Variants in KCNAB2 observed in about 807,000 individuals in gnomAD.
The protein encoded by KCNAB2 is potassium voltage-gated channel subfamily A regulatory beta subunit 2, also known as voltage-gated potassium channel subunit beta-2.
In KCNAB2, 29 loss-of-function variants were observed where a neutral mutation model predicts 63.6. That is an observed-to-expected ratio of 0.46 (90% CI 0.34 to 0.62). KCNAB2 has a LOEUF of 0.62. Among genes scored for constraint, KCNAB2 ranks in the 20% least tolerant of loss-of-function variants. The pLI is 0.01. For missense variants in KCNAB2, 359 were observed against 563.9 expected, an observed-to-expected ratio of 0.64 and a Z score of 3.68; for synonymous variants, 222 against 224.2, an observed-to-expected ratio of 0.99 and a Z score of 0.09.
chr1:6,077,714 G>A (rs1329699500), intron 4 of KCNAB2, among the ~76,000 whole-genome samples: 1 of 152,156 alleles, frequency 6.6e-6, no homozygotes, highest in African/African-American at 2.4e-5. Context: ...CTCCCGGTGG[G>A]CAGAGCAGAG....
intron 1 of KCNAB2, among the ~76,000 whole-genome samples, chr1:6,012,213 G>A (rs1454816756): frequency 8.0e-5 from 12 of 149,288 alleles, no homozygotes; most frequent in African/African-American, 2.5e-4. Context: ...TGATGAAGGC[G>A]GAGGTGATGG....
rs528776532 is a variant in KCNAB2, at chr1:6,078,167, G to A, written c.301-4028G>A. Among the ~76,000 whole-genome samples the A allele has an allele frequency of 1.6e-4, 25 of 152,266 alleles. No homozygotes were observed. Among genetic ancestry groups the A allele is most frequent in the South Asian group, 8.3e-4 (4 of 4,826 alleles). On this transcript the variant is annotated intron_variant, in intron 4 of 15. Coordinates refer to ENST00000378083, the MANE Select transcript of KCNAB2 (RefSeq NM_001199862.2). This position sits in a 1 kb window ranked among gnomAD's most constrained non-coding sequence, Gnocchi z 4.2. ...TGCTGGCCTTCCTTGGCCTGTGCCC[G>A]CATCCCCCAGTCTCTGCCCCTGTGG...
upstream of KCNAB2, among the ~76,000 whole-genome samples, chr1:6,030,885 TG>T (rs145715212): frequency 0.031 from 4,686 of 151,612 alleles, 121 homozygotes; most frequent in Non-Finnish European, 0.049. Flanking sequence ...TGTATGTATG[TG>T]TAGGTGTGTG....
intron 4 of KCNAB2, among the ~76,000 whole-genome samples, chr1:6,080,176 C>T (rs368074068): frequency 3.9e-5 from 6 of 152,214 alleles, no homozygotes; most frequent in East Asian, 1.9e-4. Flanking sequence ...CGGGGCCCAG[C>T]GCACCGTGCC....
At chr1:6,042,587 A>G (rs1317594699), upstream of KCNAB2, among the ~76,000 whole-genome samples, 1 of 152,056 alleles carries the variant, frequency 6.6e-6, no homozygotes. Context: ...AGGAAGTAAA[A>G]TGTCAGGGCT....
Position 6,057,506 on chromosome 1 carries a change from A to G in KCNAB2, c.218+5752A>G, listed in dbSNP as rs188884189. 2.8e-4 allele frequency among the ~76,000 whole-genome samples: 43 copies of G among 152,314 alleles called. 1 individual carries two copies. In the East Asian group the frequency reaches 7.9e-3, roughly 28 times the overall value. On this transcript the variant is annotated intron_variant, in intron 2 of 15. Transcript: ENST00000378083. ...GGGGGGATGGCAAGTTAACCTGTCTACAAGGCCAAGTGCATCCTGGGAAAG... is the reference window on the plus strand; with the variant it reads ...GGGGGGATGGCAAGTTAACCTGTCTGCAAGGCCAAGTGCATCCTGGGAAAG...
rs1008179674 is a variant in KCNAB2 at position 6,097,553 on chromosome 1, G to A, written c.1158+196G>A. On this transcript the variant is annotated intron_variant, in intron 15 of 15. Coordinates refer to ENST00000378083, the MANE Select transcript of KCNAB2 (RefSeq NM_001199862.2). ...ATGAACACTAACTGCACGAAACAAG[G>A]AGGTTAGAATGTGTGTCAGGGTGGA... is the stretch of plus-strand genomic sequence containing the variant. 7 of 978,476 alleles carry A rather than the reference G, an allele frequency of 7.2e-6. No individual in the cohort carries two copies. The African/African-American group carries it at 1.1e-4, about 16-fold the overall frequency. The allele number at this position is 978,476 out of a possible 1,614,324, so 60.6% of individuals were successfully genotyped here.
At chr1:6,014,812 G>A (rs1404086396) in intron 1 of KCNAB2, among the ~76,000 whole-genome samples, 7 of 152,194 alleles carry the variant, frequency 4.6e-5, no homozygotes, top group African/African-American at 1.7e-4. Flanking sequence ...CTCGCAGGCA[G>A]CATGGGAACC....
intron 1 of KCNAB2, among the ~76,000 whole-genome samples, chr1:6,047,842 C>G (rs1661057028): frequency 6.6e-6 from 1 of 152,230 alleles, no homozygotes; most frequent in African/African-American, 2.4e-5. Context: ...CCACCCCATG[C>G]CAAAGGCTGC....
intron 1 of KCNAB2, among the ~76,000 whole-genome samples, chr1:6,000,928 C>T (rs1474926691): frequency 6.6e-6 from 1 of 152,146 alleles, no homozygotes; most frequent in Non-Finnish European, 1.5e-5. Flanking sequence ...ACCAAGGCGT[C>T]ACTCAGGCCA....
At position 6,086,889 on chromosome 1, in the gene KCNAB2, C is replaced by T. The variant is rs1664748094; in HGVS notation, c.426-578C>T. 6.6e-6 allele frequency among the ~76,000 whole-genome samples: 1 copy of T among 151,836 alleles called. No individual in the cohort carries two copies. The highest frequency in any genetic ancestry group is 2.4e-5 in the African/African-American group (1 of 41,320). ...CGACCAGGCCGTCCTTATGCCTCCCCTCCCTCCCTTGGTGCCCCTCAAGTT... is the reference window on the plus strand; with the variant it reads ...CGACCAGGCCGTCCTTATGCCTCCCTTCCCTCCCTTGGTGCCCCTCAAGTT... On this transcript the variant is annotated intron_variant, in intron 6 of 15. Transcript: ENST00000378083. This position sits in a 1 kb window ranked among gnomAD's most constrained non-coding sequence, Gnocchi z 4.2.
At chr1:6,067,129 C>T (rs1390725717) in intron 2 of KCNAB2, among the ~76,000 whole-genome samples, 2 of 152,204 alleles carry the variant, frequency 1.3e-5, no homozygotes, top group Non-Finnish European at 2.9e-5. Flanking sequence ...TTCCTCACTC[C>T]CCATGTAAGT....
upstream of KCNAB2, among the ~76,000 whole-genome samples, chr1:6,043,176 C>T: frequency 6.6e-6 from 1 of 152,300 alleles, no homozygotes; most frequent in Non-Finnish European, 1.5e-5. Context: ...ACCTGAACTG[C>T]ATCCTCAGAG....
At chr1:6,040,975 G>A (rs764841856), upstream of KCNAB2, among the ~76,000 whole-genome samples, 6 of 152,338 alleles carry the variant, frequency 3.9e-5, no homozygotes, top group East Asian at 1.9e-4. Flanking sequence ...GGCCAACCCC[G>A]GCATCCTGTT....
At chr1:6,004,883 G>A (rs943587473) in intron 1 of KCNAB2, among the ~76,000 whole-genome samples, 2 of 149,994 alleles carry the variant, frequency 1.3e-5, no homozygotes, top group African/African-American at 4.9e-5. Context: ...TTCCTCATCA[G>A]ACAGTTCCTT....
At chr1:6,040,876 G>A (rs547946318) in intron 2 of KCNAB2, among the ~76,000 whole-genome samples, 33 of 152,380 alleles carry the variant, frequency 2.2e-4, no homozygotes, top group South Asian at 1.0e-3. Context: ...TTTCCAGGGC[G>A]TTTGAGCCAG....
Position 6,077,804 on chromosome 1 carries a change from C to G in KCNAB2, c.300+4034C>G, listed in dbSNP as rs774583062. On this transcript the variant is annotated intron_variant, in intron 4 of 15. Coordinates refer to ENST00000378083, the MANE Select transcript of KCNAB2 (RefSeq NM_001199862.2). ...CTCCCTGCCTGCTTCCAGCCTCTTC[C>G]CAGTCACTGTCTTTCTAGAGAGGGC... Among the ~76,000 whole-genome samples, 9 of 152,344 alleles carry G rather than the reference C, an allele frequency of 5.9e-5. 1 individual carries two copies. The highest frequency in any genetic ancestry group is 1.3e-4 in the Admixed American group (2 of 15,314).
Position 6,051,666 on chromosome 1 carries a change from G to GC in KCNAB2, c.133dup (p.Gln45ProfsTer56). 6.5e-7 allele frequency: 1 copy of GC among 1,534,014 alleles called. No individual in the cohort carries two copies. The highest frequency in any genetic ancestry group is 8.7e-7 in the Non-Finnish European group (1 of 1,146,668). The stretch of plus-strand genomic sequence containing the variant: ...GCGGCTGCGGGAGGTGCGGGCGGCT[G>GC]CCCAGGCCAGGAACATGGAGAGCTT... On this transcript the variant is annotated frameshift_variant, in exon 2 of 16. Coordinates refer to ENST00000378083, the MANE Select transcript of KCNAB2 (RefSeq NM_001199862.2). LOFTEE classifies it high-confidence loss of function.
At chr1:6,021,086 A>T (rs532702324) in intron 1 of KCNAB2, among the ~76,000 whole-genome samples, 112 of 152,276 alleles carry the variant, frequency 7.4e-4, no homozygotes, top group African/African-American at 2.7e-3. Flanking sequence ...TCGACCTTCC[A>T]GGCTCAAGCC....
Sources: gnomAD v4.1 joint callset for allele counts (sites outside exome capture counted in the v4.1 genomes callset) on GRCh38, gnomAD v4.1.1 for gene constraint, Gnocchi (gnomAD v3.1) non-coding constraint, MANE v1.5 for transcripts, NCBI Gene and HGNC (gene_info 2026-07-23, HGNC 2026-07-21) for gene names.